Variants in PRDM9 observed in about 807,000 individuals in gnomAD.
The protein encoded by PRDM9 is PR/SET domain 9, also known as histone-lysine N-methyltransferase PRDM9.
In PRDM9, 47 loss-of-function variants were observed where a neutral mutation model predicts 55.6. The observed-to-expected ratio is 0.85, with a 90% CI of 0.67 to 1.08. The LOEUF (loss-of-function observed/expected upper bound fraction) is 1.08. Ranked by LOEUF, PRDM9 falls within the 50% of genes least tolerant of loss-of-function variation. The pLI is 0.00. For synonymous variants in PRDM9, 312 were observed against 375.7 expected (o/e 0.83, Z 1.96); for missense variants, 867 against 1,040.3 (o/e 0.83, Z 2.29).
In PRDM9 at chr5:23,527,739, G is replaced by A. The variant is rs1309611861; in HGVS notation, c.2651G>A (p.Gly884Glu). The A allele has an allele frequency of 6.2e-7, 1 of 1,613,730 alleles. No homozygotes were observed. ...SLCYHQRTHTGEKPYVCREDE is the reference protein window; with the variant it reads ...SLCYHQRTHTEEKPYVCREDE ...TGCTATCACCAGAGGACACACACAG[G>A]GGAGAAGCCCTACGTCTGCAGGGAG... The change falls in exon 11 of 11, where the codon GGG becomes GAG. Residue 884 changes from glycine to glutamate, a missense_variant. By Grantham distance (98) the Gly-to-Glu change is moderately conservative (BLOSUM62 -2). This residue lies in a region of PRDM9 where 86 missense variants were observed against 73.6 expected (regional missense o/e 1.17). Transcript: ENST00000296682.
intron 4 of PRDM9, among the ~76,000 whole-genome samples, chr5:23,510,956 G>A (rs1194295826): frequency 6.6e-6 from 1 of 150,682 alleles, no homozygotes; most frequent in Non-Finnish European, 1.5e-5. Flanking sequence ...GACAAGCCTG[G>A]CCAACATGGT....
chr5:23,524,691 T>C (rs929222905), intron 10 of PRDM9, among the ~76,000 whole-genome samples, 164 bp downstream of exon 10: 3 of 152,224 alleles, frequency 2.0e-5, no homozygotes, highest in African/African-American at 7.2e-5. Flanking sequence ...CCTTTGCCTC[T>C]TTGGAACAAT....
chr5:23,524,045 T>C (rs1739384433), intron 9 of PRDM9, among the ~76,000 whole-genome samples: 1 of 152,140 alleles, frequency 6.6e-6, no homozygotes. Context: ...TCAATGTGTT[T>C]TATGGCCAGT....
chr5:23,519,762 C>G (rs538175715), intron 5 of PRDM9, among the ~76,000 whole-genome samples: 2 of 151,924 alleles, frequency 1.3e-5, no homozygotes, highest in African/African-American at 2.4e-5. Context: ...TAAGAATTAG[C>G]GCCAGGGGCA....
chr5:23,522,441 G>C, intron 7 of PRDM9, 36 bp downstream of exon 7: 3 of 1,592,680 alleles, frequency 1.9e-6, no homozygotes, highest in Non-Finnish European at 2.6e-6. Flanking sequence ...ACAGCTTGCT[G>C]TTATGTCCTG....
intron 4 of PRDM9, among the ~76,000 whole-genome samples, chr5:23,512,856 T>G (rs1739127489): frequency 6.6e-6 from 1 of 152,224 alleles, no homozygotes; most frequent in African/African-American, 2.4e-5. Flanking sequence ...CTCATATACA[T>G]GGAATCAGCC....
chr5:23,522,194 G>A (rs1035814862), intron 6 of PRDM9, 110 bp from the exon 7 acceptor site: 44 of 935,930 alleles, frequency 4.7e-5, no homozygotes, highest in Non-Finnish European at 7.6e-5. Context: ...GGACACTAGA[G>A]TATGTAGAAA....
In PRDM9 at chr5:23,521,005, G is replaced by T. The variant is rs1739316043; in HGVS notation, c.352-18G>T. On this transcript the variant is annotated intron_variant, in intron 5 of 10. Coordinates refer to ENST00000296682, the MANE Select transcript of PRDM9 (RefSeq NM_020227.4). The stretch of plus-strand genomic sequence containing the variant: ...AGAAATTCGTGTTGTCTTTTAATAT[G>T]TGACTCTCACATTAAAGGGAATGCC... 1.2e-6 allele frequency: 2 copies of T among 1,613,710 alleles called. No homozygotes were observed. Among genetic ancestry groups the T allele is most frequent in the East Asian group, 4.5e-5 (2 of 44,864 alleles).
At chr5:23,516,869 G>A (rs984200989) in intron 4 of PRDM9, among the ~76,000 whole-genome samples, 10 of 148,130 alleles carry the variant, frequency 6.8e-5, no homozygotes, top group East Asian at 2.2e-4. Flanking sequence ...ACAGGCGCCC[G>A]CCACCACACC....
Position 23,526,453 on chromosome 5 carries a change from G to A in PRDM9, c.1365G>A (p.Glu455=), listed in dbSNP as rs769758225. Residue 455 remains glutamate (E), a synonymous_variant, in exon 11 of 11, where the codon GAG becomes GAA. Coordinates refer to ENST00000296682, the MANE Select transcript of PRDM9 (RefSeq NM_020227.4). The part of the protein sequence containing the change: ...HSRNDKTKGQ[E]IKERSKLLNK... ...GTAATGACAAAACCAAAGGTCAAGA[G>A]ATCAAAGAAAGGTCCAAACTCTTGA... 2 of 1,614,178 alleles carry A rather than the reference G, an allele frequency of 1.2e-6. No individual in the cohort carries two copies. Among genetic ancestry groups the A allele is most frequent in the Non-Finnish European group, 1.7e-6 (2 of 1,180,028 alleles).
rs1215067434 is a variant in PRDM9 at position 23,518,731 on chromosome 5, C to T, written c.351+801C>T. 3.3e-5 allele frequency among the ~76,000 whole-genome samples: 5 copies of T among 152,182 alleles called. 1 individual carries two copies. The highest frequency in any genetic ancestry group is 1.2e-4 in the African/African-American group (5 of 41,444). On this transcript the variant is annotated intron_variant, in intron 5 of 10. Coordinates refer to ENST00000296682, the MANE Select transcript of PRDM9 (RefSeq NM_020227.4). ...TGGAACTGATTTCAAATTCTCATTC[C>T]TACAGAAGGCAGTAACAGCTCCTTC...
intron 8 of PRDM9, among the ~76,000 whole-genome samples, 173 bp from the exon 9 acceptor site, chr5:23,523,118 T>C (rs1366416593): frequency 6.6e-6 from 1 of 152,192 alleles, no homozygotes; most frequent in African/African-American, 2.4e-5. Flanking sequence ...TCTGCTCTGA[T>C]TGGACAAACC....
chr5:23,522,834 G>T lies in PRDM9; in HGVS notation c.831G>T (p.Glu277Asp). The change falls in exon 8 of 11, where the codon GAG becomes GAT. Residue 277 changes from glutamate to aspartate, a missense_variant. Physicochemically the swap from Glu to Asp is conservative, Grantham distance 45 (BLOSUM62 2). Transcript: ENST00000296682. ...LPLGLHFGPYEGRITEDEEAA... is the reference protein window; with the variant it reads ...LPLGLHFGPYDGRITEDEEAA... Reference sequence around the variant, plus strand: ...TGGGTCTGCACTTTGGCCCTTATGAGGGCCGAATTACAGAAGACGAAGAGG... The same window carrying T: ...TGGGTCTGCACTTTGGCCCTTATGATGGCCGAATTACAGAAGACGAAGAGG... The T allele has an allele frequency of 6.2e-7, 1 of 1,614,238 alleles. No homozygotes were observed.
chr5:23,521,237 G>A (rs1739322362), intron 6 of PRDM9, 58 bp downstream of exon 6: 11 of 1,593,950 alleles, frequency 6.9e-6, no homozygotes, highest in South Asian at 4.4e-5. Context: ...AAAGGTTGAT[G>A]AGTATGGTCT....
intron 10 of PRDM9, among the ~76,000 whole-genome samples, chr5:23,524,948 T>G (rs1160355658): frequency 6.6e-6 from 1 of 152,214 alleles, no homozygotes; most frequent in African/African-American, 2.4e-5. Flanking sequence ...TGCCAGACCA[T>G]GTTGCAGGAA....
At chr5:23,523,900 G>A (rs1487900725) in intron 9 of PRDM9, among the ~76,000 whole-genome samples, 5 of 152,192 alleles carry the variant, frequency 3.3e-5, no homozygotes, top group African/African-American at 1.2e-4. Context: ...GTGATTAGAG[G>A]AAGGTCTGTC....
At chr5:23,517,264 T>C (rs1449114776) in intron 4 of PRDM9, among the ~76,000 whole-genome samples, 1 of 152,034 alleles carries the variant, frequency 6.6e-6, no homozygotes, top group Non-Finnish European at 1.5e-5. Flanking sequence ...GAAAGGTCAA[T>C]TTACATTTTA....
chr5:23,509,081 G>A lies in PRDM9; in HGVS notation c.48G>A (p.Glu16=), dbSNP rs775410752. 11 of 1,614,014 alleles carry A rather than the reference G, an allele frequency of 6.8e-6. No homozygotes were observed. In the African/African-American group the frequency reaches 1.5e-4, roughly 22 times the overall value. ...SQEESPEEDT[E]RTERKPMVKD... ...AGGAGAGCCCAGAAGAAGACACAGA[G>A]AGAACAGAGCGGAAGCCCATGGTGA... The change falls in exon 2 of 11, where the codon GAG becomes GAA. Residue 16 remains glutamate, a synonymous_variant. Transcript: ENST00000296682.
rs764540300 is a variant in PRDM9, at chr5:23,509,571, C to T, written c.171C>T (p.Asn57=). 1.2e-6 allele frequency: 2 copies of T among 1,614,158 alleles called. No homozygotes were observed. Among genetic ancestry groups the T allele is most frequent in the Non-Finnish European group, 1.7e-6 (2 of 1,180,048 alleles). ...CTCGCTATAGGAATGTGAAAAGGAA[C>T]TATAATGCACTGATTACTATAGGTA... ...EKTRYRNVKR[N]YNALITIGLR... Residue 57 remains asparagine (N), a synonymous_variant, in exon 3 of 11, where the codon AAC becomes AAT. Coordinates refer to ENST00000296682, the MANE Select transcript of PRDM9 (RefSeq NM_020227.4).
Sources: allele counts gnomAD v4.1 joint callset (sites outside exome capture counted in the v4.1 genomes callset), GRCh38; gene constraint gnomAD v4.1.1; regional missense constraint gnomAD v4.1.1; transcripts MANE v1.5; gene names NCBI Gene and HGNC (gene_info 2026-07-23, HGNC 2026-07-21).